Variants in RBFOX3 observed in about 807,000 individuals in gnomAD.
RBFOX3 encodes RNA binding protein fox-1 homolog 3.
Under a neutral mutation model 48.7 loss-of-function variants are expected in RBFOX3, and 17 were observed. That is an observed-to-expected ratio of 0.35 (90% confidence interval 0.24 to 0.52). The LOEUF is 0.52. Among genes scored for constraint, RBFOX3 ranks in the 20% least tolerant of loss-of-function variants. RBFOX3 has a pLI of 0.94. For synonymous variants in RBFOX3, 212 were observed against 209.5 expected (o/e 1.01, Z -0.10); for missense variants, 382 against 497.5 (o/e 0.77, Z 2.21).
In RBFOX3 at chr17:79,198,675, G is replaced by T. The variant is rs1009595083; in HGVS notation, c.-34+37091C>A. ...GAGTCTTGCTCTGTCACTCAAGCTG[G>T]AGTGCAGTGGCATGATCTAGGCTCG... On this transcript the variant is annotated intron_variant, in intron 4 of 14. Transcript: ENST00000693108. The surrounding 1 kb of genome is among the most constrained non-coding windows in gnomAD (Gnocchi z 8.2). Among the ~76,000 whole-genome samples, 1 of 151,566 alleles carries T rather than the reference G, an allele frequency of 6.6e-6. No homozygotes were observed. Among genetic ancestry groups the T allele is most frequent in the Non-Finnish European group, 1.5e-5 (1 of 67,984 alleles).
rs1243298538 is a variant in RBFOX3, at chr17:79,477,366, C to A, written c.-175+5088G>T. 6.6e-6 allele frequency among the ~76,000 whole-genome samples: 1 copy of A among 150,732 alleles called. No individual in the cohort carries two copies. Among genetic ancestry groups the A allele is most frequent in the African/African-American group, 2.4e-5 (1 of 40,966 alleles). ...GGTCAGGAGATCGAGATCATCCTGG[C>A]TAACACGGTGAAACCCCGTCTCTAC... is the stretch of plus-strand genomic sequence containing the variant. On this transcript the variant is annotated intron_variant, in intron 2 of 14. Transcript: ENST00000693108. This position sits in a 1 kb window ranked among gnomAD's most constrained non-coding sequence, Gnocchi z 4.8.
At chr17:79,611,169 T>TCTCTCTCTCTCTCTCTCTCTCG, upstream of RBFOX3, among the ~76,000 whole-genome samples, 322 of 25,916 alleles carry the variant, frequency 0.012, 93 homozygotes, top group South Asian at 0.023. Context: ...TCTCTCTCTC[T>TCTCTCTCTCTCTCTCTCTCTCG]CTCTCCGCCC....
At chr17:79,280,830 C>T in intron 3 of RBFOX3, among the ~76,000 whole-genome samples, 1 of 82,624 alleles carries the variant, frequency 1.2e-5, no homozygotes, top group Non-Finnish European at 2.3e-5. Context: ...GCCAGGCAGG[C>T]TGTCCCATTG....
chr17:79,234,723 T>C (rs913052432), intron 4 of RBFOX3: 12 of 9,960 alleles, frequency 1.2e-3, no homozygotes, highest in Non-Finnish European at 0.01. Context: ...ATTAAGTGCT[T>C]TTTTTTTTTT....
chr17:79,634,285 T>C, the RBFOX3 span, among the ~76,000 whole-genome samples: 3 of 152,196 alleles, frequency 2.0e-5, no homozygotes, highest in African/African-American at 7.2e-5. Flanking sequence ...GAGCCACTGG[T>C]GAGCAGGAAA....
intron 4 of RBFOX3, among the ~76,000 whole-genome samples, chr17:79,148,922 G>A (rs1007429346): frequency 6.6e-6 from 1 of 152,214 alleles, no homozygotes; most frequent in Admixed American, 6.5e-5. Flanking sequence ...GGGGATGGAG[G>A]GGGACAGCCT....
chr17:79,611,183 T>TTCTCTCTCTCTCTCTCTCTCTCTCTC, upstream of RBFOX3, among the ~76,000 whole-genome samples: 36 of 41,492 alleles, frequency 8.7e-4, 7 homozygotes, highest in African/African-American at 6.4e-3. Flanking sequence ...TCCGCCCTCC[T>TTCTCTCTCTCTCTCTCTCTCTCTCTC]TCTCTCTCTC....
At chr17:79,143,277 C>T (rs1231909028) in intron 4 of RBFOX3, among the ~76,000 whole-genome samples, 12 of 150,740 alleles carry the variant, frequency 8.0e-5, no homozygotes, top group Non-Finnish European at 1.6e-4. Flanking sequence ...TGCCTCTGTC[C>T]TTACAGGCCC....
rs924718191 is a variant in RBFOX3, at chr17:79,190,182, C to T, written c.-34+45584G>A. Reference sequence around the variant, plus strand: ...ATCCCAGCACTTTGGGAGGCCAAGGCGGGTGGATCACCTGAGGCCAGGAGT... The same window carrying T: ...ATCCCAGCACTTTGGGAGGCCAAGGTGGGTGGATCACCTGAGGCCAGGAGT... On this transcript the variant is annotated intron_variant, in intron 4 of 14. Transcript: ENST00000693108. Among the ~76,000 whole-genome samples the T allele has an allele frequency of 1.4e-4, 21 of 152,266 alleles. No individual in the cohort carries two copies. The East Asian group carries it at 3.3e-3, about 24-fold the overall frequency.
At chr17:79,128,494 C>T (rs771305020) in intron 4 of RBFOX3, among the ~76,000 whole-genome samples, 9 of 152,200 alleles carry the variant, frequency 5.9e-5, no homozygotes, top group Non-Finnish European at 8.8e-5. Context: ...CTCTCCCGCA[C>T]CAGGTTCCTG....
chr17:79,602,986 C>A (rs2093741066), intron 1 of RBFOX3, among the ~76,000 whole-genome samples: 1 of 115,090 alleles, frequency 8.7e-6, no homozygotes, highest in African/African-American at 3.2e-5. Context: ...CCTTGAGCTA[C>A]CCTTTTTTTT....
At chr17:79,266,278 A>G (rs1030045029) in intron 3 of RBFOX3, among the ~76,000 whole-genome samples, 2 of 152,176 alleles carry the variant, frequency 1.3e-5, no homozygotes, top group African/African-American at 4.8e-5. Context: ...CCCCTTGAGG[A>G]CATTTCAGCC....
At chr17:79,114,704 G>A (rs555006915) in intron 5 of RBFOX3, among the ~76,000 whole-genome samples, 195 of 152,360 alleles carry the variant, frequency 1.3e-3, no homozygotes, top group Non-Finnish European at 2.4e-3. Flanking sequence ...TCCAGCGGCT[G>A]GGACAGGGCC....
intron 3 of RBFOX3, among the ~76,000 whole-genome samples, chr17:79,244,856 CCTTT>C (rs2062929459): frequency 6.7e-6 from 1 of 148,896 alleles, no homozygotes; most frequent in African/African-American, 2.5e-5. Context: ...CATTCTCCTT[CCTTT>C]CCTTTCCCTT....
Position 79,311,003 on chromosome 17 carries a change from G to T in RBFOX3, c.-174-3179C>A, listed in dbSNP as rs2076775730. Among the ~76,000 whole-genome samples the T allele has an allele frequency of 6.6e-6, 1 of 152,168 alleles. No homozygotes were observed. The highest frequency in any genetic ancestry group is 2.4e-5 in the African/African-American group (1 of 41,430). ...GTGTGGCTAATGCCTAAAATGAATTGATTTCAGCACAGGATATGGCCTTTC... is the reference window on the plus strand; with the variant it reads ...GTGTGGCTAATGCCTAAAATGAATTTATTTCAGCACAGGATATGGCCTTTC... On this transcript the variant is annotated intron_variant, in intron 2 of 14. Transcript: ENST00000693108. The surrounding 1 kb of genome is among the most constrained non-coding windows in gnomAD (Gnocchi z 4.2).
At chr17:79,640,138 T>C in the RBFOX3 span, among the ~76,000 whole-genome samples, 1 of 152,092 alleles carries the variant, frequency 6.6e-6, no homozygotes, top group African/African-American at 2.4e-5. Flanking sequence ...AAAGTCAACA[T>C]ACAAAGATCA....
chr17:79,143,822 C>A (rs1206699050), intron 4 of RBFOX3, among the ~76,000 whole-genome samples: 1 of 152,216 alleles, frequency 6.6e-6, no homozygotes, highest in African/African-American at 2.4e-5. Context: ...AAGACCCCCT[C>A]CATTTTCAGT....
At chr17:79,426,601 T>C (rs1193172143) in intron 2 of RBFOX3, among the ~76,000 whole-genome samples, 1 of 152,176 alleles carries the variant, frequency 6.6e-6, no homozygotes, top group Non-Finnish European at 1.5e-5. Flanking sequence ...AGAACTTCCC[T>C]AGCCCACAGC....
intron 3 of RBFOX3, among the ~76,000 whole-genome samples, chr17:79,246,381 A>G (rs12600558): frequency 0.47 from 71,346 of 152,068 alleles, 16,881 homozygotes; most frequent in Middle Eastern, 0.61. Context: ...TTGGGCTTCC[A>G]GATTTCTTGG....
Sources: allele counts gnomAD v4.1 joint callset (sites outside exome capture counted in the v4.1 genomes callset), GRCh38; gene constraint gnomAD v4.1.1; non-coding constraint Gnocchi (gnomAD v3.1); transcripts MANE v1.5; gene names NCBI Gene and HGNC (gene_info 2026-07-23, HGNC 2026-07-21).